ZDHHC2: variants seen among roughly 807,000 people sequenced by gnomAD.
The protein encoded by ZDHHC2 is zDHHC palmitoyltransferase 2, also known as palmitoyltransferase ZDHHC2.
Under a neutral mutation model 55.6 loss-of-function variants are expected in ZDHHC2, and 51 were observed. The ratio of observed to expected loss-of-function variants is 0.92; its 90% confidence interval spans 0.73 to 1.16. The LOEUF (loss-of-function observed/expected upper bound fraction) is 1.16. Among genes scored for constraint, ZDHHC2 ranks in the 50% most tolerant of loss-of-function variants. The pLI, the probability that ZDHHC2 is intolerant of heterozygous loss-of-function variation, is 0.00. For missense variants in ZDHHC2, 491 were observed against 442.4 expected, an observed-to-expected ratio of 1.11 and a Z score of -0.99; for synonymous variants, 199 against 152.9, an observed-to-expected ratio of 1.30 and a Z score of -2.22.
intron 6 of ZDHHC2, among the ~76,000 whole-genome samples, chr8:17,200,828 T>G (rs930097426): frequency 1.3e-5 from 2 of 152,162 alleles, no homozygotes; most frequent in Non-Finnish European, 2.9e-5. Context: ...TACTCCACCC[T>G]TAGGTGGCAG....
At chr8:17,171,160 C>G (rs1804834467) in intron 1 of ZDHHC2, among the ~76,000 whole-genome samples, 1 of 152,070 alleles carries the variant, frequency 6.6e-6, no homozygotes. Flanking sequence ...GGGGCTGAAA[C>G]AATTCAGTGG....
intron 3 of ZDHHC2, among the ~76,000 whole-genome samples, chr8:17,189,132 T>C (rs1427616737): frequency 6.8e-6 from 1 of 148,138 alleles, no homozygotes; most frequent in Non-Finnish European, 1.5e-5. Flanking sequence ...GTTATGTTTT[T>C]TTTTTTTTTT....
At chr8:17,184,924 C>T (rs1805634550) in intron 2 of ZDHHC2, 109 bp downstream of exon 2, 2 of 970,278 alleles carry the variant, frequency 2.1e-6, no homozygotes, top group Admixed American at 2.7e-5. Context: ...AATGTGGAGA[C>T]AAGCTAGGGT....
rs1301204378 is a variant in ZDHHC2, at chr8:17,223,338, A to G, written c.*3117A>G. 1 of 151,874 alleles carries G rather than the reference A, an allele frequency of 6.6e-6. No individual in the cohort carries two copies. Among genetic ancestry groups the G allele is most frequent in the Admixed American group, 6.6e-5 (1 of 15,214 alleles). The allele number at this position is 151,874 out of a possible 1,614,324, so 9.4% of individuals were successfully genotyped here. A position where few individuals can be genotyped will look rare whatever the true frequency, so the allele number is the denominator to read the frequency against. On this transcript the variant is annotated 3_prime_UTR_variant, in exon 13 of 13. Coordinates refer to ENST00000262096, the MANE Select transcript of ZDHHC2 (RefSeq NM_016353.5). The stretch of plus-strand genomic sequence containing the variant: ...CATGATGGTGTCCTCCAGCACAACC[A>G]TCCCACCCACACACCTAGACTACAG...
chr8:17,182,480 G>A (rs977979800), intron 1 of ZDHHC2, among the ~76,000 whole-genome samples: 2 of 152,050 alleles, frequency 1.3e-5, no homozygotes, highest in African/African-American at 2.4e-5. Context: ...TCATAATCTT[G>A]GCGAAAGTGT....
At chr8:17,166,157 A>G (rs1218396546) in intron 1 of ZDHHC2, among the ~76,000 whole-genome samples, 1 of 152,166 alleles carries the variant, frequency 6.6e-6, no homozygotes, top group Non-Finnish European at 1.5e-5. Context: ...ATTTGAAAAG[A>G]TCTTTCTGGC....
chr8:17,188,912 TC>T (rs1036692273), intron 3 of ZDHHC2, among the ~76,000 whole-genome samples: 1 of 152,154 alleles, frequency 6.6e-6, no homozygotes, highest in Admixed American at 6.5e-5. Context: ...ATTGGTGTCA[TC>T]CTTGGCTACT....
intron 1 of ZDHHC2, among the ~76,000 whole-genome samples, chr8:17,175,700 G>T (rs545554439): frequency 1.3e-5 from 2 of 151,486 alleles, no homozygotes; most frequent in Non-Finnish European, 2.9e-5. Context: ...CTTGTTCAAC[G>T]TAAAACATCA....
At chr8:17,213,915 C>T (rs1473170633) in intron 10 of ZDHHC2, among the ~76,000 whole-genome samples, 7 of 151,784 alleles carry the variant, frequency 4.6e-5, no homozygotes, top group African/African-American at 1.5e-4. Context: ...TAAGATTTAC[C>T]TCCAAAATTT....
intron 6 of ZDHHC2, among the ~76,000 whole-genome samples, chr8:17,198,909 A>T (rs1385841047): frequency 6.6e-6 from 1 of 152,226 alleles, no homozygotes; most frequent in African/African-American, 2.4e-5. Context: ...ATTCATTAAT[A>T]TTTGCTAATA....
chr8:17,182,212 A>C (rs896860166), intron 1 of ZDHHC2, among the ~76,000 whole-genome samples: 1 of 152,194 alleles, frequency 6.6e-6, no homozygotes, highest in Non-Finnish European at 1.5e-5. Flanking sequence ...AGCTATATGC[A>C]GTTTTATTTG....
In ZDHHC2 at chr8:17,223,044, A is replaced by G. The variant is rs548483978; in HGVS notation, c.*2823A>G. On this transcript the variant is annotated 3_prime_UTR_variant, in exon 13 of 13. Transcript: ENST00000262096. ...GAAATCAAAGATATAAATCATGTTT[A>G]TAAAAAATTAGGCACGCAATCATGT... 1 of 151,958 alleles carries G rather than the reference A, an allele frequency of 6.6e-6. No individual in the cohort carries two copies. The highest frequency in any genetic ancestry group is 1.5e-5 in the Non-Finnish European group (1 of 67,834). 9.4% of individuals were successfully genotyped at this position (151,958 alleles called of 1,614,324 possible).
chr8:17,205,634 A>ATGTTTT, intron 6 of ZDHHC2, 21 bp from the exon 7 acceptor site: 1 of 1,581,544 alleles, frequency 6.3e-7, no homozygotes, highest in Non-Finnish European at 8.6e-7. Context: ...CTCACTGGAA[A>ATGTTTT]TGTTTTTGTT....
rs373735360 is a variant in ZDHHC2 at position 17,186,298 on chromosome 8, A to G, written c.158-33A>G. ...TCATAATTTTAGTATGTATTTGCAT[A>G]TTATAATGATAATTATGTTTTTCTC... is the stretch of plus-strand genomic sequence containing the variant. On this transcript the variant is annotated intron_variant, in intron 2 of 12. Transcript: ENST00000262096. The G allele has an allele frequency of 1.5e-5, 21 of 1,408,142 alleles. No homozygotes were observed. The African/African-American group carries it at 2.9e-4, about 19-fold the overall frequency. 87.2% of individuals were successfully genotyped at this position (1,408,142 alleles called of 1,614,324 possible).
intron 4 of ZDHHC2, among the ~76,000 whole-genome samples, chr8:17,196,581 T>TA (rs111516017): frequency 0.029 from 4,077 of 142,658 alleles, 183 homozygotes; most frequent in African/African-American, 0.095. Context: ...AAAAAATGTT[T>TA]AAAAAAAAAA....
At chr8:17,193,933 C>T (rs566285884) in intron 3 of ZDHHC2, among the ~76,000 whole-genome samples, 4 of 152,172 alleles carry the variant, frequency 2.6e-5, no homozygotes, top group African/African-American at 7.2e-5. Context: ...CCCCACCCCA[C>T]GACAGGCCCT....
Position 17,224,355 on chromosome 8 carries a change from T to A in ZDHHC2, c.*4134T>A, listed in dbSNP as rs1808038245. The A allele has an allele frequency of 1.3e-5, 2 of 151,764 alleles. No homozygotes were observed. The highest frequency in any genetic ancestry group is 4.8e-5 in the African/African-American group (2 of 41,422). 9.4% of individuals were successfully genotyped at this position (151,764 alleles called of 1,614,324 possible). On this transcript the variant is annotated 3_prime_UTR_variant, in exon 13 of 13. Coordinates refer to ENST00000262096, the MANE Select transcript of ZDHHC2 (RefSeq NM_016353.5). The stretch of plus-strand genomic sequence containing the variant: ...AAAATGTCTGTTAAGGCTAATCATC[T>A]GAGTGATTTGAGTAGCAATTAAACC...
rs1804053834 is a variant in ZDHHC2 at position 17,156,562 on chromosome 8, G to A, written c.-162G>A. On this transcript the variant is annotated 5_prime_UTR_variant, in exon 1 of 13. Transcript: ENST00000262096. ...CGGGAGTCCGCCGCGCCGGCTCGGG[G>A]CTGCGGGATGGGGAGTTAGCGCCAC... 4.3e-5 allele frequency: 16 copies of A among 376,160 alleles called. No individual in the cohort carries two copies. In the South Asian group the frequency reaches 1.5e-3, roughly 34 times the overall value. The allele number at this position is 376,160 out of a possible 1,614,324, so 23.3% of individuals were successfully genotyped here.
chr8:17,195,589 A>AG lies in ZDHHC2; in HGVS notation c.340dup (p.Asp114GlyfsTer17). 6.2e-7 allele frequency: 1 copy of AG among 1,613,938 alleles called. No individual in the cohort carries two copies. Among genetic ancestry groups the AG allele is most frequent in the Non-Finnish European group, 8.5e-7 (1 of 1,179,838 alleles). On this transcript the variant is annotated frameshift_variant, in exon 4 of 13. Transcript: ENST00000262096. LOFTEE classifies it high-confidence loss of function. ...CAGGAAGTTCTTAGGCGAGCAGCCA[A>AG]GGATCTTCCCATCTATACCAGGACC...
Sources: allele counts gnomAD v4.1 joint callset (sites outside exome capture counted in the v4.1 genomes callset), GRCh38; gene constraint gnomAD v4.1.1; transcripts MANE v1.5; gene names NCBI Gene and HGNC (gene_info 2026-07-23, HGNC 2026-07-21).